MED27: variants seen among roughly 807,000 people sequenced by gnomAD.
The protein encoded by MED27 is mediator complex subunit 27.
A neutral mutation model predicts 38.2 loss-of-function variants in MED27; 30 were observed. That is an observed-to-expected ratio of 0.79 (90% CI 0.59 to 1.07). The LOEUF (loss-of-function observed/expected upper bound fraction) is 1.07. Among genes scored for constraint, MED27 ranks in the 50% least tolerant of loss-of-function variants. MED27 has a pLI of 0.00. For missense variants in MED27, 289 were observed against 397.5 expected (o/e 0.73, Z 2.32); for synonymous variants, 122 against 153.5 (o/e 0.79, Z 1.52).
intron 3 of MED27, among the ~76,000 whole-genome samples, chr9:131,960,906 T>G (rs902472254): frequency 1.3e-5 from 2 of 152,142 alleles, no homozygotes; most frequent in Non-Finnish European, 2.9e-5. Flanking sequence ...CAGGAAACAC[T>G]GAGGTTAAAT....
chr9:132,062,131 G>A (rs1833710012), intron 2 of MED27, among the ~76,000 whole-genome samples: 1 of 152,156 alleles, frequency 6.6e-6, no homozygotes, highest in Admixed American at 6.5e-5. Context: ...CTATCATATT[G>A]TCTTCAAAGA....
intron 5 of MED27, among the ~76,000 whole-genome samples, chr9:131,884,642 C>G (rs957447705): frequency 4.3e-5 from 6 of 139,014 alleles, no homozygotes; most frequent in African/African-American, 1.6e-4. Context: ...GAGTCTGGCT[C>G]TGTCACCCAG....
At chr9:131,885,721 A>G (rs1157941241) in intron 5 of MED27, among the ~76,000 whole-genome samples, 1 of 152,192 alleles carries the variant, frequency 6.6e-6, no homozygotes, top group Non-Finnish European at 1.5e-5. Context: ...GTTTCAACAA[A>G]TCAATGCCTT....
At chr9:131,882,533 A>G (rs1318434297) in intron 6 of MED27, among the ~76,000 whole-genome samples, 1 of 152,200 alleles carries the variant, frequency 6.6e-6, no homozygotes, top group Non-Finnish European at 1.5e-5. Flanking sequence ...CATCGTGGGG[A>G]TAACTCGGAC....
intron 2 of MED27, among the ~76,000 whole-genome samples, chr9:132,067,285 G>A (rs929531852): frequency 5.3e-5 from 8 of 152,174 alleles, no homozygotes; most frequent in African/African-American, 1.9e-4. Context: ...CAAAGTCTCA[G>A]GGCTAATACA....
intron 3 of MED27, among the ~76,000 whole-genome samples, chr9:131,970,293 G>A (rs1193088732): frequency 6.6e-6 from 1 of 152,262 alleles, no homozygotes; most frequent in East Asian, 1.9e-4. Context: ...CGGAGTGGAA[G>A]GAGGGTGGGC....
rs73658169 is a variant in MED27 at position 132,054,821 on chromosome 9, T to C, written c.348+22621A>G. ...TAGATTAAGAAATTTAGGAACCTAG[T>C]TGTTTTGTTTACCTTTGCTCAAACT... is the stretch of plus-strand genomic sequence containing the variant. On this transcript the variant is annotated intron_variant, in intron 2 of 7. Coordinates refer to ENST00000292035, the MANE Select transcript of MED27 (RefSeq NM_004269.4). Among the ~76,000 whole-genome samples the C allele has an allele frequency of 3.9e-3, 595 of 152,326 alleles. 6 individuals carry two copies. The highest frequency in any genetic ancestry group is 0.014 in the African/African-American group (568 of 41,578).
At chr9:132,034,611 T>C (rs908190436) in intron 2 of MED27, among the ~76,000 whole-genome samples, 4 of 152,172 alleles carry the variant, frequency 2.6e-5, no homozygotes, top group African/African-American at 7.2e-5. Context: ...GCGCGATAGC[T>C]TGGGTTTCTG....
At chr9:131,935,227 T>C (rs557692011) in intron 4 of MED27, among the ~76,000 whole-genome samples, 1 of 152,282 alleles carries the variant, frequency 6.6e-6, no homozygotes, top group African/African-American at 2.4e-5. Context: ...AAGAGTATAA[T>C]TGGATAATTC....
intron 4 of MED27, among the ~76,000 whole-genome samples, chr9:131,920,622 C>T (rs185440127): frequency 3.9e-4 from 60 of 152,150 alleles, no homozygotes; most frequent in Middle Eastern, 6.8e-3. Context: ...ATAAGTACAA[C>T]GAAAGAAAAT....
chr9:131,882,813 C>T (rs1020594483), intron 6 of MED27, among the ~76,000 whole-genome samples: 5 of 152,168 alleles, frequency 3.3e-5, no homozygotes, highest in Admixed American at 2.6e-4. Flanking sequence ...AGTTAATCAC[C>T]TGGAGTCATT....
chr9:131,933,568 T>G (rs1830630303), intron 4 of MED27, among the ~76,000 whole-genome samples: 1 of 151,698 alleles, frequency 6.6e-6, no homozygotes, highest in South Asian at 2.1e-4. Flanking sequence ...TAATGAAAAC[T>G]CTCATAATGA....
At chr9:132,018,892 G>GT (rs1832660929) in intron 2 of MED27, among the ~76,000 whole-genome samples, 2 of 145,128 alleles carry the variant, frequency 1.4e-5, no homozygotes, top group Non-Finnish European at 3.1e-5. Flanking sequence ...TCTCCTGGAC[G>GT]TAAGTTATGA....
Position 131,860,699 on chromosome 9 carries a change from G to C in MED27, c.802-27C>G. The C allele has an allele frequency of 6.2e-7, 1 of 1,609,868 alleles. No homozygotes were observed. The highest frequency in any genetic ancestry group is 8.5e-7 in the Non-Finnish European group (1 of 1,177,862). ...TAAAAAGAGAAACGAGGAGAGAAGT[G>C]AAAGAATGGGATACGGGTGCTCCCA... On this transcript the variant is annotated intron_variant, in intron 7 of 7. Transcript: ENST00000292035. The surrounding 1 kb of genome is among the most constrained non-coding windows in gnomAD (Gnocchi z 5.8).
Position 131,883,300 on chromosome 9 carries a change from C to T in MED27, c.723+758G>A, listed in dbSNP as rs1243527078. 2.0e-5 allele frequency among the ~76,000 whole-genome samples: 3 copies of T among 152,268 alleles called. No homozygotes were observed. The South Asian group carries it at 6.2e-4, about 32-fold the overall frequency. ...TGAGAACAGAAGAAGCCGGCTGCTG[C>T]CCTGCAGGGAGCTGGCCCTGAGTAC... On this transcript the variant is annotated intron_variant, in intron 6 of 7. Transcript: ENST00000292035. The surrounding 1 kb of genome is among the most constrained non-coding windows in gnomAD (Gnocchi z 4.2).
At position 132,049,823 on chromosome 9, in the gene MED27, A is replaced by C. The variant is rs546445719; in HGVS notation, c.348+27619T>G. On this transcript the variant is annotated intron_variant, in intron 2 of 7. Transcript: ENST00000292035. ...CACACATTCAGCTCTCAGAAATAGG[A>C]GGAAACTGAAAAGACTGCCAAAGAG... Among the ~76,000 whole-genome samples, 6 of 152,340 alleles carry C rather than the reference A, an allele frequency of 3.9e-5. No homozygotes were observed. In the East Asian group the frequency reaches 1.2e-3, roughly 29 times the overall value.
chr9:131,935,170 G>A (rs1275699433), intron 4 of MED27, among the ~76,000 whole-genome samples: 3 of 152,060 alleles, frequency 2.0e-5, no homozygotes, highest in Non-Finnish European at 4.4e-5. Context: ...GCACAACAGG[G>A]TGACTACAAT....
chr9:131,998,576 C>T (rs1212273208), intron 3 of MED27, among the ~76,000 whole-genome samples: 6 of 152,128 alleles, frequency 3.9e-5, no homozygotes, highest in South Asian at 4.1e-4. Context: ...TTAGGGGTGA[C>T]GGAAATTCCA....
chr9:131,921,684 C>T (rs536997885), intron 4 of MED27, among the ~76,000 whole-genome samples: 3 of 152,114 alleles, frequency 2.0e-5, no homozygotes, highest in Non-Finnish European at 4.4e-5. Flanking sequence ...GGCATATACC[C>T]AAAGGATTAT....
Sources: gnomAD v4.1 joint callset for allele counts (sites outside exome capture counted in the v4.1 genomes callset) on GRCh38, gnomAD v4.1.1 for gene constraint, Gnocchi (gnomAD v3.1) non-coding constraint, MANE v1.5 for transcripts, NCBI Gene and HGNC (gene_info 2026-07-23, HGNC 2026-07-21) for gene names.